DCTN1: variants seen among roughly 807,000 people sequenced by gnomAD.
DCTN1 encodes the protein dynactin subunit 1.
A neutral mutation model predicts 161.2 loss-of-function variants in DCTN1; 61 were observed. That is an observed-to-expected ratio of 0.38 (90% CI 0.31 to 0.47). The LOEUF (loss-of-function observed/expected upper bound fraction) is 0.47, where lower values mean the gene tolerates loss of function less well. Among genes scored for constraint, DCTN1 ranks in the 20% least tolerant of loss-of-function variants. The pLI, the probability that DCTN1 is intolerant of heterozygous loss-of-function variation, is 0.99. For missense variants in DCTN1, 1,404 were observed against 1,623.7 expected (o/e 0.86, Z 2.33); for synonymous variants, 653 against 632.4 (o/e 1.03, Z -0.49).
At chr2:74,375,351 T>G (rs887366840) in intron 5 of DCTN1, among the ~76,000 whole-genome samples, 33 of 152,360 alleles carry the variant, frequency 2.2e-4, no homozygotes, top group Admixed American at 7.2e-4. Flanking sequence ...ACCAGCTCCC[T>G]GATCCACATG....
At chr2:74,363,786 T>C in intron 26 of DCTN1, 158 bp from the exon 27 acceptor site, 2 of 967,000 alleles carry the variant, frequency 2.1e-6, no homozygotes, top group Non-Finnish European at 1.6e-6. Context: ...CTCTGCCACC[T>C]ATCTTTGGGG....
At chr2:74,390,698 AT>A (rs1464774125) in intron 1 of DCTN1, 2 of 442,250 alleles carry the variant, frequency 4.5e-6, no homozygotes, top group African/African-American at 2.0e-5. Context: ...ATTGTGTTCC[AT>A]GGGCCAGCAG....
chr2:74,385,130 TA>T (rs1675672666), upstream of DCTN1: 1 of 152,226 alleles, frequency 6.6e-6, no homozygotes. Context: ...CTCATTACCC[TA>T]AAAAAACGTC....
In DCTN1 at chr2:74,369,532, G is replaced by T. The variant is rs764265949; in HGVS notation, c.1393-41C>A. 10 of 1,601,644 alleles carry T rather than the reference G, an allele frequency of 6.2e-6. No individual in the cohort carries two copies. The highest frequency in any genetic ancestry group is 1.3e-5 in the African/African-American group (1 of 74,870). ...ATAGTTTGGGCTAAAGAAAGGCAGGGTCGGCCAGCGGCGGTGGTTCACACC... is the reference window on the plus strand; with the variant it reads ...ATAGTTTGGGCTAAAGAAAGGCAGGTTCGGCCAGCGGCGGTGGTTCACACC... On this transcript the variant is annotated intron_variant, in intron 13 of 31. Transcript: ENST00000628224. The surrounding 1 kb of genome is among the most constrained non-coding windows in gnomAD (Gnocchi z 4.9).
Position 74,387,585 on chromosome 2 carries a change from C to G in DCTN1, c.-19+4209G>C, listed in dbSNP as rs182935472. Among the ~76,000 whole-genome samples, 5 of 152,320 alleles carry G rather than the reference C, an allele frequency of 3.3e-5. No individual in the cohort carries two copies. In the East Asian group the frequency reaches 9.6e-4, roughly 29 times the overall value. ...ACTCAAAATAGAAAACTGAGTCATC[C>G]GCAACAACTCCCTCTCTTGTTCTCA... On this transcript the variant is annotated intron_variant, in intron 1 of 27. Transcript: ENST00000409240.
chr2:74,374,789 G>A (rs1675125233), intron 5 of DCTN1: 10 of 1,081,302 alleles, frequency 9.2e-6, no homozygotes, highest in African/African-American at 3.3e-5. Flanking sequence ...TCCTCCTCAT[G>A]ACAGTCATGC....
chr2:74,362,004 C>T, intron 31 of DCTN1, 48 bp downstream of exon 31: 1 of 1,590,552 alleles, frequency 6.3e-7, no homozygotes, highest in Non-Finnish European at 8.6e-7. Flanking sequence ...GGGGGGCCCG[C>T]CTGAGCTCTC....
chr2:74,383,774 GA>G (rs1461498174), upstream of DCTN1: 1 of 152,194 alleles, frequency 6.6e-6, no homozygotes, highest in Non-Finnish European at 1.5e-5. Flanking sequence ...CTCTGAGCAA[GA>G]TATTTAACTT....
In DCTN1 at chr2:74,370,771, T is replaced by C; in HGVS notation, c.898A>G (p.Thr300Ala). The C allele has an allele frequency of 1.9e-6, 3 of 1,614,234 alleles. No homozygotes were observed. Among genetic ancestry groups the C allele is most frequent in the Non-Finnish European group, 2.5e-6 (3 of 1,180,044 alleles). ...KERYMEEMAD[T>A]ADAIEMATLD... ...GTGGCCATCTCAATGGCATCAGCAG[T>C]ATCAGCCATCTCCTCCATATAGCGT... Residue 300 changes from threonine to alanine, a missense_variant, in exon 10 of 32, where the codon ACT becomes GCT. By Grantham distance (58) the Thr-to-Ala change is moderately conservative. Coordinates refer to ENST00000628224, the MANE Select transcript of DCTN1 (RefSeq NM_004082.5). The surrounding 1 kb of genome is among the most constrained non-coding windows in gnomAD (Gnocchi z 4.4).
rs1446382043 is a variant in DCTN1 at position 74,390,549 on chromosome 2, G to C, written c.-19+1245C>G. ...GACTCACAGAATTTTAAATCTGAAA[G>C]AAATATTTGAGATCTTGTAGTCCAG... On this transcript the variant is annotated intron_variant, in intron 1 of 27. Transcript: ENST00000409240. The C allele has an allele frequency of 9.8e-6, 4 of 410,122 alleles. No homozygotes were observed. In the East Asian group the frequency reaches 2.9e-4, roughly 30 times the overall value. 25.4% of individuals were successfully genotyped at this position (410,122 alleles called of 1,614,324 possible). A position where few individuals can be genotyped will look rare whatever the true frequency, so the allele number is the denominator to read the frequency against.
rs1674431977 is a variant in DCTN1 at position 74,366,611 on chromosome 2, T to A, written c.2476A>T (p.Thr826Ser). 4.3e-6 allele frequency: 7 copies of A among 1,612,424 alleles called. No individual in the cohort carries two copies. The highest frequency in any genetic ancestry group is 5.1e-6 in the Non-Finnish European group (6 of 1,180,032). ...ALAFGPQVSD[T>S]LLDCRKHLTW... ...AAGTGTTTCCTGCAGTCTAGGAGCG[T>A]GTCAGATACCTGTGTGCCAGGCCAG... The change falls in exon 22 of 32, where the codon ACG (threonine) becomes TCG (serine). Residue 826 changes from threonine to serine, a missense_variant. Coordinates refer to ENST00000628224, the MANE Select transcript of DCTN1 (RefSeq NM_004082.5).
chr2:74,366,012 G>A lies in DCTN1; in HGVS notation c.2767C>T (p.Pro923Ser). The A allele has an allele frequency of 6.2e-7, 1 of 1,614,244 alleles. No homozygotes were observed. The highest frequency in any genetic ancestry group is 8.5e-7 in the Non-Finnish European group (1 of 1,180,054). The change falls in exon 24 of 32, where the codon CCG (proline) becomes TCG (serine). Residue 923 changes from proline to serine, a missense_variant. Coordinates refer to ENST00000628224, the MANE Select transcript of DCTN1 (RefSeq NM_004082.5). ...AGGGCAGCAGCCCGCAGTTCAACCG[G>A]TGGAGGCTAAGGAATGGTCGGTAGG... ...DAERPPSKPP[P>S]VELRAAALRA...
intron 1 of DCTN1, chr2:74,391,620 G>C: frequency 2.8e-6 from 1 of 359,718 alleles, no homozygotes; most frequent in Non-Finnish European, 5.4e-6. Context: ...GCTGAGGTGG[G>C]TCAGACCGGC....
In DCTN1 at chr2:74,366,034, T is replaced by G. The variant is rs762138930; in HGVS notation, c.2761-16A>C. 1.9e-6 allele frequency: 3 copies of G among 1,614,162 alleles called. No individual in the cohort carries two copies. The highest frequency in any genetic ancestry group is 2.5e-6 in the Non-Finnish European group (3 of 1,180,018). On this transcript the variant is annotated splice_polypyrimidine_tract_variant and intron_variant, in intron 23 of 31. Transcript: ENST00000628224. ...CCGGTGGAGGCTAAGGAATGGTCGGTAGGGGGTGAGAAAGTGAGGGTGGAG... is the reference window on the plus strand; with the variant it reads ...CCGGTGGAGGCTAAGGAATGGTCGGGAGGGGGTGAGAAAGTGAGGGTGGAG...
In DCTN1 at chr2:74,365,558, T is replaced by C. The variant is rs1558935430; in HGVS notation, c.2986A>G (p.Thr996Ala). 6.2e-7 allele frequency: 1 copy of C among 1,614,008 alleles called. No individual in the cohort carries two copies. Among genetic ancestry groups the C allele is most frequent in the Non-Finnish European group, 8.5e-7 (1 of 1,180,002 alleles). ...AGTGCCTGGGTCTCCTCCAGCCGAG[T>C]CTGGACTTTCTCGATGCGCTCATCT... ...DADERIEKVQ[T>A]RLEETQALLR... The change falls in exon 25 of 32, where the codon ACT becomes GCT. Residue 996 changes from threonine (T) to alanine (A), a missense_variant. This residue lies in a region of DCTN1 where 475 missense variants were observed against 489.8 expected (regional missense o/e 0.97). Coordinates refer to ENST00000628224, the MANE Select transcript of DCTN1 (RefSeq NM_004082.5).
Position 74,361,212 on chromosome 2 carries a change from C to T in DCTN1, c.*287G>A, listed in dbSNP as rs1673956323. The T allele has an allele frequency of 8.7e-6, 5 of 573,498 alleles. No homozygotes were observed. Among genetic ancestry groups the T allele is most frequent in the South Asian group, 7.8e-5 (5 of 64,404 alleles). The allele number at this position is 573,498 out of a possible 1,614,324, so 35.5% of individuals were successfully genotyped here. On this transcript the variant is annotated 3_prime_UTR_variant, in exon 32 of 32. Coordinates refer to ENST00000628224, the MANE Select transcript of DCTN1 (RefSeq NM_004082.5). ...GAAGTCCTCAATCAAGGGGACCTCA[C>T]TTAACCTTTGGTGGTGGGGTCTCAG...
chr2:74,365,001 G>A (rs1484260900), intron 26 of DCTN1, 74 bp downstream of exon 26: 5 of 1,598,720 alleles, frequency 3.1e-6, no homozygotes, highest in African/African-American at 2.7e-5. Context: ...GTGGGGCAGA[G>A]GTCAAAATGA....
intron 23 of DCTN1, 31 bp downstream of exon 23, chr2:74,366,213 C>G (rs1388609059): frequency 6.2e-7 from 1 of 1,613,808 alleles, no homozygotes; most frequent in Non-Finnish European, 8.5e-7. Flanking sequence ...CTACAGGCCT[C>G]TGCAACTTCT....
intron 4 of DCTN1, 131 bp downstream of exon 4, chr2:74,377,301 T>C (rs1675281616): frequency 1.2e-6 from 1 of 808,232 alleles, no homozygotes. Flanking sequence ...GCCTCCTTCT[T>C]AGGGAAGTTG....
Sources: gnomAD v4.1 joint callset for allele counts (sites outside exome capture counted in the v4.1 genomes callset) on GRCh38, gnomAD v4.1.1 for gene constraint, gnomAD v4.1.1 regional missense constraint, Gnocchi (gnomAD v3.1) non-coding constraint, MANE v1.5 for transcripts, NCBI Gene and HGNC (gene_info 2026-07-23, HGNC 2026-07-21) for gene names.